PRH1: variants seen among roughly 807,000 people sequenced by gnomAD.
PRH1 encodes the protein salivary acidic proline-rich phosphoprotein 1/2.
PRH1 carries 7 observed loss-of-function variants against 7.9 expected under a neutral mutation model. The ratio of observed to expected loss-of-function variants is 0.89; its 90% confidence interval spans 0.50 to 1.67. PRH1 has a LOEUF of 1.67. Ranked by LOEUF, PRH1 falls within the 40% of genes most tolerant of loss-of-function variation. PRH1 has a pLI of 0.00. For missense variants in PRH1, 109 were observed against 223.6 expected, an observed-to-expected ratio of 0.49 and a Z score of 3.27; for synonymous variants, 45 against 80.8, an observed-to-expected ratio of 0.56 and a Z score of 2.38.
chr12:10,884,346 TG>T (rs911292116), upstream of PRH1: 50 of 1,108,912 alleles, frequency 4.5e-5, no homozygotes, highest in Non-Finnish European at 6.3e-5. Flanking sequence ...CCTCAGAGAC[TG>T]GCTTCTGCTT....
At chr12:10,982,161 C>T (rs1387538466) in intron 1 of PRH1, among the ~76,000 whole-genome samples, 1 of 152,074 alleles carries the variant, frequency 6.6e-6, no homozygotes, top group African/African-American at 2.4e-5. Flanking sequence ...ACCTGTATAC[C>T]AAGGGACATT....
chr12:11,100,627 T>C (rs1299924834), intron 1 of PRH1, among the ~76,000 whole-genome samples: 2 of 152,208 alleles, frequency 1.3e-5, no homozygotes, highest in East Asian at 1.9e-4. Context: ...AAACATCAAA[T>C]AGTAAAACAG....
Position 10,982,374 on chromosome 12 carries a change from G to A in PRH1, c.-125-8653C>T, listed in dbSNP as rs571315424. Among the ~76,000 whole-genome samples the A allele has an allele frequency of 3.5e-4, 53 of 152,290 alleles. 1 individual carries two copies. Among genetic ancestry groups the A allele is most frequent in the African/African-American group, 1.3e-3 (52 of 41,556 alleles). ...CTCTGTCAAAACCAGATGGATTATA[G>A]GATGAATGCACATTAGCATAAACTT... On this transcript the variant is annotated intron_variant, in intron 1 of 3. Coordinates refer to the PRH1 transcript ENST00000539853.
chr12:11,068,630 G>T (rs1943924353), intron 1 of PRH1, among the ~76,000 whole-genome samples: 1 of 152,128 alleles, frequency 6.6e-6, no homozygotes, highest in South Asian at 2.1e-4. Flanking sequence ...TACGTAAAAG[G>T]TGAGATTAGT....
chr12:11,114,704 G>T (rs1945683167), intron 1 of PRH1, among the ~76,000 whole-genome samples: 1 of 152,092 alleles, frequency 6.6e-6, no homozygotes, highest in South Asian at 2.1e-4. Context: ...AGTACAATAA[G>T]AAATAAATAG....
At chr12:11,068,790 T>C (rs1455296280) in intron 1 of PRH1, among the ~76,000 whole-genome samples, 2 of 152,226 alleles carry the variant, frequency 1.3e-5, no homozygotes, top group Admixed American at 6.5e-5. Flanking sequence ...ATATGTATAA[T>C]GCTATTTTAA....
rs1395592083 is a variant in PRH1, at chr12:10,908,889, G to T, written c.-58-24614C>A. The T allele has an allele frequency of 4.3e-6, 7 of 1,612,854 alleles. No individual in the cohort carries two copies. The Admixed American group carries it at 5.0e-5, about 12-fold the overall frequency. On this transcript the variant is annotated intron_variant, in intron 2 of 3. Coordinates refer to the PRH1 transcript ENST00000539853. ...CAGATTTAAAAATAAGAAGACCAAG[G>T]TTCCTAGCAGTATCATCAGAATCAC...
chr12:11,151,062 A>G (rs1284489758), intron 1 of PRH1, among the ~76,000 whole-genome samples: 2 of 151,982 alleles, frequency 1.3e-5, no homozygotes, highest in Non-Finnish European at 2.9e-5. Flanking sequence ...GGCTGGCTGG[A>G]CCCTGCTTGA....
At position 11,074,675 on chromosome 12, in the gene PRH1, C is replaced by T. The variant is rs1404133057; in HGVS notation, n.124-27487G>A. On this transcript the variant is annotated intron_variant and non_coding_transcript_variant, in intron 1 of 4. Transcript: ENST00000541977. ...ATTAAAAAAAAAACAAAACAAGTAT[C>T]TCTTAGAAAAATGGGGGTATTGGTT... Among the ~76,000 whole-genome samples, 5 of 114,054 alleles carry T rather than the reference C, an allele frequency of 4.4e-5. 1 individual carries two copies. In the East Asian group the frequency reaches 1.1e-3, roughly 24 times the overall value. 74.8% of individuals were successfully genotyped at this position (114,054 alleles called of 152,430 possible). A position where few individuals can be genotyped will look rare whatever the true frequency, so the allele number is the denominator to read the frequency against.
intron 1 of PRH1, among the ~76,000 whole-genome samples, chr12:11,021,339 C>T (rs1941616271): frequency 6.6e-6 from 1 of 152,026 alleles, no homozygotes; most frequent in Non-Finnish European, 1.5e-5. Flanking sequence ...TTCATAAAAG[C>T]TGTACGTTCT....
chr12:11,048,442 A>G (rs2708319), upstream of PRH1: 157,609 of 321,772 alleles, frequency 0.49, 37,660 homozygotes, highest in Non-Finnish European at 0.54. Context: ...GTGGAACAAA[A>G]GATACATGAA....
chr12:11,097,450 CTTA>C (rs1017722103), intron 1 of PRH1, among the ~76,000 whole-genome samples: 2 of 114,380 alleles, frequency 1.7e-5, no homozygotes, highest in African/African-American at 5.8e-5. Flanking sequence ...CTGTATCTTT[CTTA>C]TTAAGGAATT....
intron 2 of PRH1, chr12:10,929,317 C>T: frequency 6.2e-7 from 1 of 1,614,090 alleles, no homozygotes; most frequent in Non-Finnish European, 8.5e-7. Flanking sequence ...GCCTTCAGCT[C>T]AGCTCAGGAC....
At chr12:11,047,066 C>A in exon 1 of PRH1, 1 of 503,248 alleles carries the variant, frequency 2.0e-6, no homozygotes, top group East Asian at 5.7e-5. Flanking sequence ...CCAAACTAGC[C>A]TTCATGATGT....
intron 1 of PRH1, chr12:11,061,593 G>C (rs371099707): frequency 6.2e-7 from 1 of 1,613,970 alleles, no homozygotes; most frequent in African/African-American, 1.3e-5. Context: ...ATAACAAGAG[G>C]AAGGAGGTCA....
intron 1 of PRH1, among the ~76,000 whole-genome samples, chr12:11,045,722 T>C (rs1478892735): frequency 6.6e-6 from 1 of 152,148 alleles, no homozygotes. Flanking sequence ...ACTCCACATA[T>C]TGACAGTAAT....
chr12:11,051,923 T>C (rs1943161902), upstream of PRH1, among the ~76,000 whole-genome samples: 1 of 152,224 alleles, frequency 6.6e-6, no homozygotes, highest in African/African-American at 2.4e-5. Flanking sequence ...TTCTGAGCTG[T>C]TAGAATAATT....
At chr12:11,048,160 G>C (rs145909960), upstream of PRH1, among the ~76,000 whole-genome samples, 1 of 123,014 alleles carries the variant, frequency 8.1e-6, no homozygotes, top group East Asian at 2.3e-4. Context: ...GTGTGTGTGT[G>C]TATAGATAGA....
intron 2 of PRH1, chr12:10,892,062 G>C (rs1187546662): frequency 6.6e-6 from 1 of 152,098 alleles, no homozygotes; most frequent in Non-Finnish European, 1.5e-5. Flanking sequence ...AGACTCCTAG[G>C]GCACAAAACG....
Sources: allele counts gnomAD v4.1 joint callset (sites outside exome capture counted in the v4.1 genomes callset), GRCh38; gene constraint gnomAD v4.1.1; transcripts MANE v1.5; gene names NCBI Gene and HGNC (gene_info 2026-07-23, HGNC 2026-07-21).